CAMTA1: variants seen among roughly 807,000 people sequenced by gnomAD.
CAMTA1 encodes calmodulin-binding transcription activator 1.
Under a neutral mutation model 170.9 loss-of-function variants are expected in CAMTA1, and 27 were observed. That is an observed-to-expected ratio of 0.16 (90% CI 0.12 to 0.22). The LOEUF is 0.22. CAMTA1 is among the 10% of genes least tolerant of loss of function. CAMTA1 has a pLI of 1.00. For missense variants in CAMTA1, 1,619 were observed against 2,217.2 expected (o/e 0.73, Z 5.42); for synonymous variants, 833 against 891.5 (o/e 0.93, Z 1.17).
chr1:7,567,071 C>T (rs1329509794), intron 6 of CAMTA1, among the ~76,000 whole-genome samples: 4 of 152,242 alleles, frequency 2.6e-5, no homozygotes, highest in Non-Finnish European at 4.4e-5. Flanking sequence ...GTGAGGCCAG[C>T]TGAGTGACCT....
chr1:7,307,641 C>G (rs1675800962), intron 5 of CAMTA1, among the ~76,000 whole-genome samples: 1 of 151,970 alleles, frequency 6.6e-6, no homozygotes, highest in Non-Finnish European at 1.5e-5. Context: ...AGATTCTTAA[C>G]ATGGTAAATT....
rs1355262601 is a variant in CAMTA1, at chr1:7,058,294, T to C, written c.235-33010T>C. ...AGATTTGTTTTACACTCAGGATGTA[T>C]TCCTTGGTCAGAGATGGGAGACGGT... is the stretch of plus-strand genomic sequence containing the variant. On this transcript the variant is annotated intron_variant, in intron 3 of 22. Transcript: ENST00000303635. 2.0e-5 allele frequency among the ~76,000 whole-genome samples: 3 copies of C among 152,192 alleles called. No individual in the cohort carries two copies. In the East Asian group the frequency reaches 5.8e-4, roughly 29 times the overall value.
intron 3 of CAMTA1, among the ~76,000 whole-genome samples, chr1:6,986,211 C>A (rs889776822): frequency 2.6e-5 from 4 of 152,194 alleles, no homozygotes; most frequent in African/African-American, 9.7e-5. Flanking sequence ...CCAGGAGAAG[C>A]AGAATCTGAT....
chr1:7,301,068 C>G (rs1374019474), intron 5 of CAMTA1, among the ~76,000 whole-genome samples: 1 of 152,164 alleles, frequency 6.6e-6, no homozygotes, highest in South Asian at 2.1e-4. Flanking sequence ...AGAAAATCTT[C>G]CATGGCTATT....
chr1:6,895,511 A>G (rs2149167222), intron 3 of CAMTA1, among the ~76,000 whole-genome samples: 1 of 152,344 alleles, frequency 6.6e-6, no homozygotes, highest in South Asian at 2.1e-4. Flanking sequence ...GAAGAATGTA[A>G]ATAGGATTCG....
chr1:7,639,145 AT>A lies in CAMTA1; in HGVS notation c.511-1248del, dbSNP rs1321821050. ...AGGCGCCCGCCACCATGCCCGGCTA[AT>A]TTTTTTGTATTTTTAGTAGAGATGG... is the stretch of plus-strand genomic sequence containing the variant. On this transcript the variant is annotated intron_variant, in intron 6 of 22. Coordinates refer to ENST00000303635, the MANE Select transcript of CAMTA1 (RefSeq NM_015215.4). 5.3e-5 allele frequency among the ~76,000 whole-genome samples: 8 copies of A among 152,030 alleles called. No homozygotes were observed. The East Asian group carries it at 1.4e-3, about 26-fold the overall frequency.
At chr1:7,538,990 C>CT (rs1239276303) in intron 6 of CAMTA1, among the ~76,000 whole-genome samples, 1 of 151,988 alleles carries the variant, frequency 6.6e-6, no homozygotes, top group Non-Finnish European at 1.5e-5. Flanking sequence ...GCTTTCCTTC[C>CT]CTTTCATCCT....
intron 5 of CAMTA1, among the ~76,000 whole-genome samples, chr1:7,322,165 C>T (rs1015001327): frequency 1.3e-5 from 2 of 152,212 alleles, no homozygotes; most frequent in African/African-American, 2.4e-5. Flanking sequence ...TCTGGCATAA[C>T]AAACCTGCGT....
At chr1:7,687,705 A>G (rs1246006552) in intron 11 of CAMTA1, among the ~76,000 whole-genome samples, 1 of 152,188 alleles carries the variant, frequency 6.6e-6, no homozygotes, top group Non-Finnish European at 1.5e-5. Context: ...CCAGGAGGGC[A>G]GCTTCTGTGT....
chr1:7,528,973 TC>T (rs1233821767), intron 6 of CAMTA1, among the ~76,000 whole-genome samples: 3 of 100,560 alleles, frequency 3.0e-5, no homozygotes, highest in Non-Finnish European at 3.7e-5. Context: ...CAGTAACTAG[TC>T]ATGCCAGTAA....
At position 7,732,149 on chromosome 1, in the gene CAMTA1, G is replaced by A. The variant is rs537882970; in HGVS notation, c.2915-299G>A. Reference sequence around the variant, plus strand: ...TACCAGATCTCATGTCAGGGTTTCCGTTGGGGAATTTGACAAAGAAACTAG... The same window carrying A: ...TACCAGATCTCATGTCAGGGTTTCCATTGGGGAATTTGACAAAGAAACTAG... On this transcript the variant is annotated intron_variant, in intron 11 of 22. Transcript: ENST00000303635. The surrounding 1 kb of genome is among the most constrained non-coding windows in gnomAD (Gnocchi z 4.1). 3.8e-4 allele frequency among the ~76,000 whole-genome samples: 57 copies of A among 151,972 alleles called. 1 individual carries two copies. The highest frequency in any genetic ancestry group is 2.7e-3 in the South Asian group (13 of 4,820).
intron 4 of CAMTA1, among the ~76,000 whole-genome samples, chr1:7,227,171 A>G (rs930526442): frequency 1.3e-5 from 2 of 151,768 alleles, no homozygotes; most frequent in Admixed American, 6.6e-5. Context: ...CACTCTTCCT[A>G]TCATAAACTA....
intron 2 of CAMTA1, among the ~76,000 whole-genome samples, chr1:6,822,753 T>C (rs948022189): frequency 2.6e-5 from 4 of 151,682 alleles, no homozygotes; most frequent in Non-Finnish European, 4.4e-5. Context: ...TCTATAGCAG[T>C]TAATTGTGCT....
intron 11 of CAMTA1, among the ~76,000 whole-genome samples, chr1:7,729,114 C>CTTTTTTTTTTTTTTTTTTTTTTTT (rs146252158): frequency 1.4e-5 from 2 of 142,280 alleles, no homozygotes. Flanking sequence ...TATGAGGAAT[C>CTTTTTTTTTTTTTTTTTTTTTTTT]TTTTTTTTTC....
rs74051104 is a variant in CAMTA1 at position 7,062,915 on chromosome 1, C to T, written c.235-28389C>T. On this transcript the variant is annotated intron_variant, in intron 3 of 22. Transcript: ENST00000303635. ...CCTGTGCGTCTCTGTTTTCACGTGG[C>T]CTTCTTGCAGAGACGTCAATCACAT... Among the ~76,000 whole-genome samples, 648 of 152,312 alleles carry T rather than the reference C, an allele frequency of 4.3e-3. 6 individuals carry two copies. Among genetic ancestry groups the T allele is most frequent in the African/African-American group, 0.015 (611 of 41,558 alleles).
At chr1:7,283,978 T>C (rs912085105) in intron 5 of CAMTA1, among the ~76,000 whole-genome samples, 13 of 152,170 alleles carry the variant, frequency 8.5e-5, no homozygotes, top group African/African-American at 3.1e-4. Flanking sequence ...CTTATCCAAG[T>C]TGAGTCCCAG....
chr1:7,221,062 G>A (rs1055018542), intron 4 of CAMTA1, among the ~76,000 whole-genome samples: 2 of 152,286 alleles, frequency 1.3e-5, no homozygotes, highest in East Asian at 1.9e-4. Context: ...ACCGAAGGCC[G>A]GCACGGCACC....
chr1:7,225,839 T>A (rs1661603082), intron 4 of CAMTA1, among the ~76,000 whole-genome samples: 1 of 152,108 alleles, frequency 6.6e-6, no homozygotes, highest in Non-Finnish European at 1.5e-5. Context: ...CAGAAACACA[T>A]CCCCTCGACT....
intron 5 of CAMTA1, among the ~76,000 whole-genome samples, chr1:7,358,058 A>T (rs1490012957): frequency 6.6e-6 from 1 of 152,138 alleles, no homozygotes; most frequent in African/African-American, 2.4e-5. Context: ...CCAAGCCCAG[A>T]TCTTTGTGGA....
Sources: gnomAD v4.1 joint callset for allele counts (sites outside exome capture counted in the v4.1 genomes callset) on GRCh38, gnomAD v4.1.1 for gene constraint, Gnocchi (gnomAD v3.1) non-coding constraint, MANE v1.5 for transcripts, NCBI Gene and HGNC (gene_info 2026-07-23, HGNC 2026-07-21) for gene names.